Variants in TENM3 observed in about 807,000 individuals in gnomAD.
TENM3 encodes the protein teneurin transmembrane protein 3.
In TENM3, 63 loss-of-function variants were observed where a neutral mutation model predicts 255.1. The observed-to-expected ratio is 0.25, with a 90% confidence interval of 0.20 to 0.30. The LOEUF is 0.30. Ranked by LOEUF, TENM3 falls within the 10% of genes least tolerant of loss-of-function variation. The pLI is 1.00. For missense variants in TENM3, 2,929 were observed against 3,461.1 expected (o/e 0.85, Z 3.86); for synonymous variants, 1,306 against 1,322.3 (o/e 0.99, Z 0.27).
the TENM3 span, among the ~76,000 whole-genome samples, chr4:181,450,802 T>A: frequency 2.0e-5 from 3 of 152,232 alleles, no homozygotes. Flanking sequence ...CTGAGGAGAA[T>A]GAAAATCTCA....
the TENM3 span, among the ~76,000 whole-genome samples, chr4:181,781,648 A>T: frequency 2.0e-5 from 3 of 152,172 alleles, no homozygotes; most frequent in Non-Finnish European, 4.4e-5. Flanking sequence ...AGAACTTCCA[A>T]CGCTATGTTG....
chr4:181,974,360 G>A, the TENM3 span, among the ~76,000 whole-genome samples: 2 of 152,152 alleles, frequency 1.3e-5, no homozygotes, highest in African/African-American at 4.8e-5. Context: ...TTGAGGTCAG[G>A]AGTCCGAGAC....
intron 1 of TENM3, among the ~76,000 whole-genome samples, chr4:182,307,507 A>G (rs1762204535): frequency 1.3e-5 from 2 of 152,238 alleles, no homozygotes; most frequent in African/African-American, 4.8e-5. Flanking sequence ...AGGTATTTTC[A>G]TGAATTTAGA....
chr4:182,128,144 A>G, the TENM3 span, among the ~76,000 whole-genome samples: 2 of 152,094 alleles, frequency 1.3e-5, no homozygotes, highest in Admixed American at 6.6e-5. Context: ...AAAGGATAAA[A>G]TATTTTATGT....
chr4:181,924,609 C>G, the TENM3 span, among the ~76,000 whole-genome samples: 7 of 152,190 alleles, frequency 4.6e-5, no homozygotes, highest in Admixed American at 3.9e-4. Flanking sequence ...AAATTAGTAA[C>G]ATGTATATAC....
intron 4 of TENM3, among the ~76,000 whole-genome samples, chr4:182,612,065 T>C (rs1471694261): frequency 1.3e-5 from 2 of 151,738 alleles, no homozygotes; most frequent in East Asian, 3.9e-4. Flanking sequence ...GTCAGGAGTT[T>C]GAGACCAGCC....
intron 3 of TENM3, among the ~76,000 whole-genome samples, chr4:182,480,759 G>A (rs1008480747): frequency 1.3e-5 from 2 of 151,742 alleles, no homozygotes; most frequent in Non-Finnish European, 2.9e-5. Flanking sequence ...TAGGCTTCTT[G>A]TATTTTAACT....
intron 4 of TENM3, among the ~76,000 whole-genome samples, chr4:182,613,188 A>T (rs1392950183): frequency 6.6e-6 from 1 of 152,144 alleles, no homozygotes; most frequent in Non-Finnish European, 1.5e-5. Context: ...GGTCTTTTTC[A>T]TTTCCATTTA....
the TENM3 span, among the ~76,000 whole-genome samples, chr4:181,611,293 G>A: frequency 6.6e-6 from 1 of 152,140 alleles, no homozygotes; most frequent in Non-Finnish European, 1.5e-5. Context: ...TATCCTCTGG[G>A]CGTGCCGCAG....
chr4:181,605,087 A>G, the TENM3 span, among the ~76,000 whole-genome samples: 1 of 152,158 alleles, frequency 6.6e-6, no homozygotes. Flanking sequence ...GCATTAGTGT[A>G]CAATGTTATG....
At chr4:181,867,167 G>A in the TENM3 span, among the ~76,000 whole-genome samples, 8 of 152,110 alleles carry the variant, frequency 5.3e-5, no homozygotes, top group Non-Finnish European at 1.0e-4. Flanking sequence ...CACAGTGCCC[G>A]AATTGTTACG....
At chr4:182,138,421 A>G in the TENM3 span, among the ~76,000 whole-genome samples, 4 of 152,236 alleles carry the variant, frequency 2.6e-5, no homozygotes, top group Non-Finnish European at 4.4e-5. Flanking sequence ...AATAAGGCCC[A>G]TATGGTTATC....
chr4:182,500,633 ATAAT>A (rs200390048), intron 3 of TENM3, among the ~76,000 whole-genome samples: 46,818 of 90,062 alleles, frequency 0.52, 7,942 homozygotes, highest in Non-Finnish European at 0.58. Flanking sequence ...ATTTAAGTAA[ATAAT>A]TAGAAAACGT....
intron 1 of TENM3, among the ~76,000 whole-genome samples, chr4:182,160,621 T>C (rs1751075646): frequency 2.0e-5 from 3 of 152,176 alleles, no homozygotes. Flanking sequence ...CTCGCTCACA[T>C]GTGAAATCTA....
the TENM3 span, among the ~76,000 whole-genome samples, chr4:181,812,882 T>C: frequency 6.6e-6 from 1 of 152,144 alleles, no homozygotes. Context: ...CTAAAACCCC[T>C]GTCTCCCGGG....
chr4:182,479,988 G>C (rs1360408445), intron 3 of TENM3, among the ~76,000 whole-genome samples: 1 of 151,770 alleles, frequency 6.6e-6, no homozygotes, highest in African/African-American at 2.4e-5. Flanking sequence ...GTAAAGAATA[G>C]TTATTTTTTT....
chr4:182,293,122 T>A (rs1401104811), intron 1 of TENM3, among the ~76,000 whole-genome samples: 1 of 152,204 alleles, frequency 6.6e-6, no homozygotes, highest in Non-Finnish European at 1.5e-5. Context: ...GGTCTTTTAA[T>A]CCCTACTTTT....
chr4:182,479,242 A>C (rs915305834), intron 3 of TENM3, among the ~76,000 whole-genome samples: 2 of 151,984 alleles, frequency 1.3e-5, no homozygotes, highest in Non-Finnish European at 2.9e-5. Context: ...TAGAAATGTT[A>C]AAATTTTCTA....
chr4:182,645,614 G>A (rs1267323020), intron 5 of TENM3, among the ~76,000 whole-genome samples: 2 of 152,166 alleles, frequency 1.3e-5, no homozygotes, highest in Admixed American at 6.5e-5. Flanking sequence ...GACTGGGGCT[G>A]CTGTTTCATC....
Sources: gnomAD v4.1 joint callset for allele counts (sites outside exome capture counted in the v4.1 genomes callset) on GRCh38, gnomAD v4.1.1 for gene constraint, MANE v1.5 for transcripts, NCBI Gene and HGNC (gene_info 2026-07-23, HGNC 2026-07-21) for gene names.